Variants in PITPNC1 observed in about 807,000 individuals in gnomAD.
The protein encoded by PITPNC1 is cytoplasmic phosphatidylinositol transfer protein 1.
In PITPNC1, 18 loss-of-function variants were observed where a neutral mutation model predicts 44.7. That is an observed-to-expected ratio of 0.40 (90% CI 0.28 to 0.60). The LOEUF (loss-of-function observed/expected upper bound fraction) is 0.60. Ranked by LOEUF, PITPNC1 falls within the 20% of genes least tolerant of loss-of-function variation. PITPNC1 has a pLI of 0.39. For missense variants in PITPNC1, 290 were observed against 418.4 expected, an observed-to-expected ratio of 0.69 and a Z score of 2.68; for synonymous variants, 141 against 149.6, an observed-to-expected ratio of 0.94 and a Z score of 0.42.
intron 1 of PITPNC1, among the ~76,000 whole-genome samples, chr17:67,419,062 G>A (rs190759204): frequency 1.3e-3 from 205 of 152,248 alleles, no homozygotes; most frequent in African/African-American, 4.6e-3. Flanking sequence ...CCCAGGTAAG[G>A]GGCAGAGGAC....
chr17:67,377,416 G>A lies in PITPNC1; in HGVS notation c.-739G>A, dbSNP rs1443847422. 1 of 152,664 alleles carries A rather than the reference G, an allele frequency of 6.6e-6. No homozygotes were observed. Among genetic ancestry groups the A allele is most frequent in the Non-Finnish European group, 1.5e-5 (1 of 67,996 alleles). The allele number at this position is 152,664 out of a possible 1,614,324, so 9.5% of individuals were successfully genotyped here. On this transcript the variant is annotated 5_prime_UTR_variant, in exon 1 of 9. Transcript: ENST00000581322. Reference sequence around the variant, plus strand: ...TCGGGGGAGGGGACGCGCGCGGAAGGCGCCAGCTTCCTCCCGCCCGCCCCT... The same window carrying A: ...TCGGGGGAGGGGACGCGCGCGGAAGACGCCAGCTTCCTCCCGCCCGCCCCT...
chr17:67,441,435 T>C (rs553393131), intron 1 of PITPNC1, among the ~76,000 whole-genome samples: 3 of 152,310 alleles, frequency 2.0e-5, no homozygotes, highest in Non-Finnish European at 4.4e-5. Context: ...GATGGGGCTA[T>C]GTACATATCG....
At chr17:67,438,401 T>C (rs561479160) in intron 1 of PITPNC1, among the ~76,000 whole-genome samples, 3 of 151,330 alleles carry the variant, frequency 2.0e-5, no homozygotes, top group South Asian at 4.2e-4. Context: ...CTGCAACCTC[T>C]GCCTCCTGGG....
intron 1 of PITPNC1, among the ~76,000 whole-genome samples, chr17:67,518,616 C>G (rs2040286780): frequency 6.6e-6 from 1 of 152,098 alleles, no homozygotes; most frequent in Non-Finnish European, 1.5e-5. Flanking sequence ...GTAATCATGT[C>G]ACACCTGTTA....
chr17:67,470,613 G>A (rs146395496), intron 1 of PITPNC1, among the ~76,000 whole-genome samples: 15,594 of 152,028 alleles, frequency 0.1, 1,652 homozygotes, highest in East Asian at 0.37. Flanking sequence ...CAGCCGCCCC[G>A]TCCGGGAGGT....
chr17:67,660,538 ATTTG>A lies in PITPNC1; in HGVS notation c.463-8966_463-8963del, dbSNP rs1484721901. 4.6e-3 allele frequency among the ~76,000 whole-genome samples: 428 copies of A among 93,432 alleles called. 2 individuals are homozygous for A. The highest frequency in any genetic ancestry group is 0.019 in the African/African-American group (337 of 18,032). 61.3% of individuals were successfully genotyped at this position (93,432 alleles called of 152,430 possible). ...TTTTATTTTATTTATTTATTTATTT[ATTTG>A]TTTATTTATTTATTTTTGAGATGGA... On this transcript the variant is annotated intron_variant, in intron 6 of 8. Transcript: ENST00000581322.
chr17:67,388,591 A>G (rs1366695153), intron 1 of PITPNC1, among the ~76,000 whole-genome samples: 6 of 148,952 alleles, frequency 4.0e-5, no homozygotes, highest in Non-Finnish European at 8.9e-5. Flanking sequence ...AAGTGTTGGG[A>G]TTACAGGCAT....
At chr17:67,644,664 A>T (rs904866619) in intron 6 of PITPNC1, among the ~76,000 whole-genome samples, 8 of 151,942 alleles carry the variant, frequency 5.3e-5, no homozygotes, top group African/African-American at 1.7e-4. Context: ...CGAACTCCTG[A>T]CTTCAGGTGA....
intron 1 of PITPNC1, among the ~76,000 whole-genome samples, chr17:67,494,217 T>TTTC (rs1568012996): frequency 3.2e-5 from 1 of 31,366 alleles, no homozygotes; most frequent in African/African-American, 1.5e-4. Context: ...TTCTTTCTTT[T>TTTC]TGAGACGTAG....
At chr17:67,682,515 C>T (rs2042729870) in intron 8 of PITPNC1, among the ~76,000 whole-genome samples, 1 of 151,978 alleles carries the variant, frequency 6.6e-6, no homozygotes, top group African/African-American at 2.4e-5. Context: ...TGAAGGAGAG[C>T]AAGAAAGAGA....
intron 6 of PITPNC1, among the ~76,000 whole-genome samples, chr17:67,637,179 A>C (rs1382938409): frequency 6.6e-6 from 1 of 152,282 alleles, no homozygotes; most frequent in African/African-American, 2.4e-5. Context: ...GAATGAGTGA[A>C]GGCAAGGGAC....
chr17:67,494,182 T>C (rs1328520912), intron 1 of PITPNC1, among the ~76,000 whole-genome samples: 1 of 58,794 alleles, frequency 1.7e-5, no homozygotes, highest in African/African-American at 6.8e-5. Flanking sequence ...TTTCTTTCTT[T>C]CTTTTTCTTT....
intron 8 of PITPNC1, among the ~76,000 whole-genome samples, chr17:67,682,422 C>G (rs1243534604): frequency 2.6e-5 from 4 of 152,112 alleles, no homozygotes; most frequent in Admixed American, 6.5e-5. Context: ...CAGTCACTGG[C>G]AGAGGAGAAC....
Position 67,693,583 on chromosome 17 carries a change from T to C in PITPNC1, c.*695T>C, listed in dbSNP as rs1217544328. On this transcript the variant is annotated 3_prime_UTR_variant, in exon 9 of 9. Transcript: ENST00000581322. ...GCCTCAGAAATCCTTAAGAATTGCA[T>C]GGATGAATGTGACCATAACTGATTT... 3.3e-5 allele frequency: 5 copies of C among 152,588 alleles called. No homozygotes were observed. The highest frequency in any genetic ancestry group is 1.2e-4 in the African/African-American group (5 of 41,448). 9.5% of individuals were successfully genotyped at this position (152,588 alleles called of 1,614,324 possible). A position where few individuals can be genotyped will look rare whatever the true frequency, so the allele number is the denominator to read the frequency against.
At chr17:67,604,150 CA>C (rs1260733236) in intron 5 of PITPNC1, among the ~76,000 whole-genome samples, 1 of 151,978 alleles carries the variant, frequency 6.6e-6, no homozygotes. Flanking sequence ...TGATTTTTTT[CA>C]AAAACTTTTA....
intron 1 of PITPNC1, among the ~76,000 whole-genome samples, chr17:67,442,692 A>AAT (rs111926157): frequency 0.025 from 3,716 of 150,648 alleles, 143 homozygotes; most frequent in African/African-American, 0.083. Flanking sequence ...AAAATACAAA[A>AAT]ATATATATAT....
chr17:67,429,480 A>G (rs1451543605), intron 1 of PITPNC1, among the ~76,000 whole-genome samples: 2 of 151,204 alleles, frequency 1.3e-5, no homozygotes, highest in Non-Finnish European at 3.0e-5. Flanking sequence ...CAGGTGGATC[A>G]TCTGAGGTCA....
intron 2 of PITPNC1, among the ~76,000 whole-genome samples, chr17:67,534,190 C>T (rs570605562): frequency 3.9e-5 from 6 of 152,176 alleles, no homozygotes; most frequent in Middle Eastern, 3.4e-3. Context: ...CCACCACACC[C>T]GGCCTTTCTT....
At chr17:67,447,748 G>A (rs959462913) in intron 1 of PITPNC1, among the ~76,000 whole-genome samples, 37 of 150,232 alleles carry the variant, frequency 2.5e-4, no homozygotes, top group African/African-American at 8.5e-4. Context: ...TCCTTGGAAT[G>A]GTGGAAGCCT....
Sources: allele counts gnomAD v4.1 joint callset (sites outside exome capture counted in the v4.1 genomes callset), GRCh38; gene constraint gnomAD v4.1.1; transcripts MANE v1.5; gene names NCBI Gene and HGNC (gene_info 2026-07-23, HGNC 2026-07-21).